The following MTRFR variants were observed in gnomAD, a reference collection of about 807,000 sequenced individuals.
MTRFR encodes probable peptide chain release factor C12orf65, mitochondrial.
Under a neutral mutation model 11.9 loss-of-function variants are expected in MTRFR, and 10 were observed. That is an observed-to-expected ratio of 0.84 (90% CI 0.52 to 1.42). The LOEUF (loss-of-function observed/expected upper bound fraction) is 1.42. MTRFR is among the 40% of genes most tolerant of loss of function. MTRFR has a pLI of 0.00. For synonymous variants in MTRFR, 77 were observed against 79.1 expected (o/e 0.97, Z 0.14); for missense variants, 196 against 197.9 (o/e 0.99, Z 0.06).
chr12:123,236,125 T>G (rs537284223), intron 1 of MTRFR, among the ~76,000 whole-genome samples: 5 of 152,056 alleles, frequency 3.3e-5, no homozygotes, highest in Non-Finnish European at 7.4e-5. Context: ...TAACATTGCC[T>G]AAGAAACTGG....
chr12:123,253,838 T>C lies in MTRFR; in HGVS notation c.164T>C (p.Leu55Ser). ...GKKDYPALLS[L>S]DENELEEQFV... ...AAGGACTACCCTGCACTGCTTTCCT[T>C]GGATGAGAATGAACTCGAAGAGCAG... Residue 55 changes from leucine (L) to serine (S), a missense_variant, in exon 2 of 3, where the codon TTG becomes TCG. By Grantham distance (145) the Leu-to-Ser change is moderately radical. Coordinates refer to ENST00000253233, the MANE Select transcript of MTRFR (RefSeq NM_152269.5). 5 of 1,614,132 alleles carry C rather than the reference T, an allele frequency of 3.1e-6. No homozygotes were observed. Among genetic ancestry groups the C allele is most frequent in the Non-Finnish European group, 4.2e-6 (5 of 1,180,018 alleles).
At chr12:123,248,271 T>G (rs1222529363) in intron 1 of MTRFR, 3 of 152,220 alleles carry the variant, frequency 2.0e-5, no homozygotes, top group Non-Finnish European at 4.4e-5. Flanking sequence ...TTGTTTTGTT[T>G]GAGGAGGCTG....
At chr12:123,253,365 T>C in intron 1 of MTRFR, 1 of 369,346 alleles carries the variant, frequency 2.7e-6, no homozygotes, top group African/African-American at 2.1e-5. Flanking sequence ...ACCTCTCCTT[T>C]CTGAGAAAAC....
chr12:123,256,138 G>T (rs758418978), intron 2 of MTRFR, among the ~76,000 whole-genome samples: 22 of 152,164 alleles, frequency 1.4e-4, no homozygotes, highest in Non-Finnish European at 2.8e-4. Context: ...CACAGTGAAT[G>T]AGTTATGGCT....
At chr12:123,245,779 T>A (rs1285859857) in intron 1 of MTRFR, among the ~76,000 whole-genome samples, 1 of 152,198 alleles carries the variant, frequency 6.6e-6, no homozygotes, top group Non-Finnish European at 1.5e-5. Context: ...TTGTGAATTC[T>A]TTTATCAGTT....
intron 1 of MTRFR, chr12:123,250,751 G>A (rs1305767239): frequency 2.0e-5 from 3 of 152,302 alleles, no homozygotes; most frequent in Non-Finnish European, 2.9e-5. Flanking sequence ...CTGTTCGGTG[G>A]AGGTGGCAGA....
rs1427355298 is a variant in MTRFR, at chr12:123,257,745, T to G, written c.*714T>G. On this transcript the variant is annotated 3_prime_UTR_variant, in exon 3 of 3. Coordinates refer to ENST00000253233, the MANE Select transcript of MTRFR (RefSeq NM_152269.5). ...CCATAAAGAAACACAGTCAGTACTA[T>G]ACAAGAATAATGGCTACTTCTAGAG... 1 of 152,146 alleles carries G rather than the reference T, an allele frequency of 6.6e-6. No individual in the cohort carries two copies. Among genetic ancestry groups the G allele is most frequent in the Non-Finnish European group, 1.5e-5 (1 of 68,100 alleles). The allele number at this position is 152,146 out of a possible 1,614,324, so 9.4% of individuals were successfully genotyped here.
At chr12:123,249,923 C>T (rs2048093500) in intron 1 of MTRFR, 1 of 152,244 alleles carries the variant, frequency 6.6e-6, no homozygotes, top group African/African-American at 2.4e-5. Context: ...ATGTCTAGGT[C>T]TCTAGCAAGG....
intron 1 of MTRFR, among the ~76,000 whole-genome samples, chr12:123,244,404 C>T (rs1490208702): frequency 6.6e-6 from 1 of 152,006 alleles, no homozygotes; most frequent in Non-Finnish European, 1.5e-5. Flanking sequence ...CGCACTCCAG[C>T]CTGGGCAGCA....
chr12:123,257,154 G>T lies in MTRFR; in HGVS notation c.*123G>T. 1 of 816,934 alleles carries T rather than the reference G, an allele frequency of 1.2e-6. No individual in the cohort carries two copies. The highest frequency in any genetic ancestry group is 3.6e-4 in the Middle Eastern group (1 of 2,758). 50.6% of individuals were successfully genotyped at this position (816,934 alleles called of 1,614,324 possible). A position where few individuals can be genotyped will look rare whatever the true frequency, so the allele number is the denominator to read the frequency against. The stretch of plus-strand genomic sequence containing the variant: ...AGAAATATTTTTGATGAACTTAAAA[G>T]ACAACAAATTTATTTAAATGGTGCA... On this transcript the variant is annotated 3_prime_UTR_variant, in exon 3 of 3. Transcript: ENST00000253233.
intron 2 of MTRFR, 39 bp downstream of exon 2, chr12:123,253,995 C>A: frequency 6.2e-7 from 1 of 1,609,644 alleles, no homozygotes; most frequent in East Asian, 2.2e-5. Flanking sequence ...AGGCCCCGCC[C>A]AAGGGTTCCA....
At position 123,253,107 on chromosome 12, in the gene MTRFR, T is replaced by TTTTTTTTTTTTTTG. The variant is rs766114484; in HGVS notation, c.-28-540_-28-539insTTTTTTTTTTTTTG. Among the ~76,000 whole-genome samples, 194 of 63,360 alleles carry TTTTTTTTTTTTTTG rather than the reference T, an allele frequency of 3.1e-3. 73 individuals are homozygous for TTTTTTTTTTTTTTG. The highest frequency in any genetic ancestry group is 5.3e-3 in the Non-Finnish European group (157 of 29,412). 41.6% of individuals were successfully genotyped at this position (63,360 alleles called of 152,430 possible). On this transcript the variant is annotated intron_variant, in intron 1 of 2. Coordinates refer to ENST00000253233, the MANE Select transcript of MTRFR (RefSeq NM_152269.5). ...TTTTTTTTTTTTTTTTTTTTTTTTT[T>TTTTTTTTTTTTTTG]GAGACACTGTCTCGCTCTGTTGTCC...
chr12:123,253,070 A>ATTTTTTTTTTT lies in MTRFR; in HGVS notation c.-28-550_-28-540dup, dbSNP rs71085872. On this transcript the variant is annotated intron_variant, in intron 1 of 2. Coordinates refer to ENST00000253233, the MANE Select transcript of MTRFR (RefSeq NM_152269.5). The stretch of plus-strand genomic sequence containing the variant: ...ATCAAATTACAGTCCGTTCCTTTGA[A>ATTTTTTTTTTT]TTTTTTTTTTTTTTTTTTTTTTTTT... Among the ~76,000 whole-genome samples, 2 of 34,844 alleles carry ATTTTTTTTTTT rather than the reference A, an allele frequency of 5.7e-5. 1 individual carries two copies. Among genetic ancestry groups the ATTTTTTTTTTT allele is most frequent in the African/African-American group, 2.1e-4 (2 of 9,364 alleles). 22.9% of individuals were successfully genotyped at this position (34,844 alleles called of 152,430 possible). A position where few individuals can be genotyped will look rare whatever the true frequency, so the allele number is the denominator to read the frequency against.
intron 1 of MTRFR, chr12:123,248,498 T>TA (rs1159753280): frequency 6.5e-6 from 1 of 152,948 alleles, no homozygotes; most frequent in Non-Finnish European, 1.5e-5. Flanking sequence ...TTACAGCTCT[T>TA]AAAGATGGTG....
chr12:123,235,039 A>G (rs903375375), intron 1 of MTRFR, among the ~76,000 whole-genome samples: 4 of 152,244 alleles, frequency 2.6e-5, no homozygotes, highest in Non-Finnish European at 5.9e-5. Context: ...ACAAAGGCCG[A>G]TGAAATAATC....
At chr12:123,253,107 T>TTTTTTTTTTTTG (rs766114484) in intron 1 of MTRFR, among the ~76,000 whole-genome samples, 658 of 63,356 alleles carry the variant, frequency 0.01, 243 homozygotes, top group Non-Finnish European at 0.018. Context: ...TTTTTTTTTT[T>TTTTTTTTTTTTG]GAGACACTGT....
chr12:123,252,905 A>G (rs2048131373), intron 1 of MTRFR, among the ~76,000 whole-genome samples: 1 of 152,088 alleles, frequency 6.6e-6, no homozygotes, highest in East Asian at 1.9e-4. Context: ...AGCCTGGGCG[A>G]CAGAGCGAGA....
At chr12:123,246,045 A>G (rs2048035077) in intron 1 of MTRFR, among the ~76,000 whole-genome samples, 1 of 151,984 alleles carries the variant, frequency 6.6e-6, no homozygotes, top group East Asian at 1.9e-4. Context: ...TGGGTTTGTC[A>G]TAGATTTTTT....
rs76582395 is a variant in MTRFR, at chr12:123,253,386, G to T, written c.-28-261G>T. ...CCTTTCTGAGAAAACAGCACCCCCG[G>T]GTGCTTGGAAGATATTTTTGGTCTA... On this transcript the variant is annotated intron_variant, in intron 1 of 2. Transcript: ENST00000253233. 32,088 of 398,792 alleles carry T rather than the reference G, an allele frequency of 0.08. 1,927 individuals are homozygous for T. Among genetic ancestry groups the T allele is most frequent in the Non-Finnish European group, 0.12 (24,350 of 210,314 alleles). The allele number at this position is 398,792 out of a possible 1,614,324, so 24.7% of individuals were successfully genotyped here.
Sources: allele counts gnomAD v4.1 joint callset (sites outside exome capture counted in the v4.1 genomes callset), GRCh38; gene constraint gnomAD v4.1.1; transcripts MANE v1.5; gene names NCBI Gene and HGNC (gene_info 2026-07-23, HGNC 2026-07-21).